ARHGEF28: variants seen among roughly 807,000 people sequenced by gnomAD.
ARHGEF28 encodes the protein Rho guanine nucleotide exchange factor 28, also known as 190 kDa guanine nucleotide exchange factor.
ARHGEF28 carries 152 observed loss-of-function variants against 206.6 expected under a neutral mutation model. That is an observed-to-expected ratio of 0.74 (90% CI 0.64 to 0.84). The LOEUF (loss-of-function observed/expected upper bound fraction) is 0.84, where lower values mean the gene tolerates loss of function less well. ARHGEF28 is among the 40% of genes least tolerant of loss of function. ARHGEF28 has a pLI of 0.00. For missense variants in ARHGEF28, 2,028 were observed against 2,073.2 expected (o/e 0.98, Z 0.42); for synonymous variants, 763 against 776.4 (o/e 0.98, Z 0.29).
In ARHGEF28 at chr5:73,869,344, C is replaced by G. The variant is rs141917531; in HGVS notation, c.2426-725C>G. Among the ~76,000 whole-genome samples the G allele has an allele frequency of 2.5e-3, 384 of 151,906 alleles. 1 individual carries two copies. Among genetic ancestry groups the G allele is most frequent in the Admixed American group, 4.7e-3 (71 of 15,256 alleles). On this transcript the variant is annotated intron_variant, in intron 20 of 35. Transcript: ENST00000513042. ...GCTTTGTGTCTTAGCAAGTCAAGGGCAAATCAAATGGATGAGTACATAATT... is the reference window on the plus strand; with the variant it reads ...GCTTTGTGTCTTAGCAAGTCAAGGGGAAATCAAATGGATGAGTACATAATT...
chr5:73,786,803 G>A (rs1754186385), intron 7 of ARHGEF28, among the ~76,000 whole-genome samples: 1 of 152,194 alleles, frequency 6.6e-6, no homozygotes, highest in African/African-American at 2.4e-5. Context: ...CTAATCATGA[G>A]TGCAAGTTAT....
chr5:73,921,604 G>C (rs1383978760), intron 35 of ARHGEF28, among the ~76,000 whole-genome samples: 1 of 152,158 alleles, frequency 6.6e-6, no homozygotes, highest in Non-Finnish European at 1.5e-5. Flanking sequence ...CAATTTCATA[G>C]TAAGGCTGTT....
At chr5:73,742,483 C>T (rs891449468) in intron 2 of ARHGEF28, among the ~76,000 whole-genome samples, 3 of 151,772 alleles carry the variant, frequency 2.0e-5, no homozygotes, top group Admixed American at 1.3e-4. Context: ...CTTTTGGTGG[C>T]TACTCTCAAG....
intron 14 of ARHGEF28, among the ~76,000 whole-genome samples, chr5:73,854,543 C>A (rs1349515211): frequency 6.6e-6 from 1 of 152,066 alleles, no homozygotes; most frequent in African/African-American, 2.4e-5. Flanking sequence ...TTCTTTCAGC[C>A]CTTTAGGCCC....
At position 73,840,722 on chromosome 5, in the gene ARHGEF28, T is replaced by C. The variant is rs752738493; in HGVS notation, c.1389T>C (p.His463=). Residue 463 remains histidine, a synonymous_variant, in exon 11 of 36, where the codon CAT becomes CAC. Coordinates refer to ENST00000513042, the MANE Select transcript of ARHGEF28 (RefSeq NM_001177693.2). The part of the protein sequence containing the change: ...ASNLNLSFGW[H]GFEKEQSHLK... ...ACTTGAATCTTTCTTTTGGTTGGCA[T>C]GGATTTGAAAAGGAACAAAGTCATC... 1 of 1,611,530 alleles carries C rather than the reference T, an allele frequency of 6.2e-7. No individual in the cohort carries two copies. Among genetic ancestry groups the C allele is most frequent in the East Asian group, 2.2e-5 (1 of 44,830 alleles).
At chr5:73,731,299 G>A (rs542984875) in intron 2 of ARHGEF28, among the ~76,000 whole-genome samples, 1 of 152,272 alleles carries the variant, frequency 6.6e-6, no homozygotes. Context: ...TGTCAGGAAT[G>A]AGATAACTTA....
chr5:73,846,226 C>G (rs537777577), intron 11 of ARHGEF28, 42 bp from the exon 12 acceptor site: 2 of 1,580,004 alleles, frequency 1.3e-6, no homozygotes, highest in Admixed American at 3.4e-5. Context: ...CGCTCTGTGT[C>G]CTTCCTTGCT....
chr5:73,788,202 A>T (rs567399261), intron 7 of ARHGEF28, among the ~76,000 whole-genome samples: 3 of 152,350 alleles, frequency 2.0e-5, no homozygotes, highest in African/African-American at 7.2e-5. Flanking sequence ...GCTAAAGGTT[A>T]GTTTCTTTCT....
At chr5:73,829,605 C>T (rs1757164562) in intron 9 of ARHGEF28, among the ~76,000 whole-genome samples, 1 of 152,070 alleles carries the variant, frequency 6.6e-6, no homozygotes, top group Non-Finnish European at 1.5e-5. Context: ...TGGTCTCGAT[C>T]TCCTGACCTT....
rs376613378 is a variant in ARHGEF28, at chr5:73,846,384, A to G, written c.1544A>G (p.Asp515Gly). ...TCAAGAACTGGGATTCCTAGTGGGG[A>G]TGAATTGGACTCTTTTGAGACTAAC... is the stretch of plus-strand genomic sequence containing the variant. Reference protein sequence around the residue: ...SSSRTGIPSGDELDSFETNTE... With the variant: ...SSSRTGIPSGGELDSFETNTE... The change falls in exon 12 of 36, where the codon GAT (aspartate) becomes GGT (glycine). Residue 515 changes from aspartate (D) to glycine (G), a missense_variant. Asp to Gly is a moderately conservative substitution (Grantham distance 94). Coordinates refer to ENST00000513042, the MANE Select transcript of ARHGEF28 (RefSeq NM_001177693.2). 14 of 1,613,816 alleles carry G rather than the reference A, an allele frequency of 8.7e-6. No individual in the cohort carries two copies. Among genetic ancestry groups the G allele is most frequent in the Non-Finnish European group, 8.5e-7 (1 of 1,179,868 alleles).
chr5:73,658,535 A>G (rs992680031), intron 1 of ARHGEF28, among the ~76,000 whole-genome samples: 4 of 152,230 alleles, frequency 2.6e-5, no homozygotes, highest in African/African-American at 9.6e-5. Context: ...AGAAAGGAAG[A>G]GTTTCAAAGG....
intron 9 of ARHGEF28, among the ~76,000 whole-genome samples, chr5:73,805,961 ATTTG>A (rs532270892): frequency 3.5e-4 from 53 of 151,536 alleles, no homozygotes; most frequent in African/African-American, 1.2e-3. Flanking sequence ...CTCTTTGCTC[ATTTG>A]TTTATTAAAC....
At chr5:73,644,723 G>A (rs1392504325) in intron 1 of ARHGEF28, among the ~76,000 whole-genome samples, 1 of 152,164 alleles carries the variant, frequency 6.6e-6, no homozygotes, top group East Asian at 1.9e-4. Context: ...AACCTGGCTA[G>A]CTTCTGTTGC....
chr5:73,664,204 A>G (rs1561318157), intron 1 of ARHGEF28, among the ~76,000 whole-genome samples: 2 of 152,236 alleles, frequency 1.3e-5, no homozygotes, highest in Non-Finnish European at 2.9e-5. Flanking sequence ...CAAGGGGCCA[A>G]CAACCTGTCA....
intron 2 of ARHGEF28, among the ~76,000 whole-genome samples, chr5:73,738,634 C>T (rs1231605403): frequency 6.6e-6 from 1 of 151,970 alleles, no homozygotes; most frequent in Non-Finnish European, 1.5e-5. Context: ...GCTTTTATAC[C>T]TTTGTACAAA....
In ARHGEF28 at chr5:73,941,677, C is replaced by G. The variant is rs157551; in HGVS notation, c.*664C>G. ...AACAAGGCCCAGAGGCCCAGAGCCC[C>G]CATCAAGTCATTTTGATGTAAATAG... On this transcript the variant is annotated 3_prime_UTR_variant, in exon 36 of 36. Coordinates refer to ENST00000513042, the MANE Select transcript of ARHGEF28 (RefSeq NM_001177693.2). The G allele has an allele frequency of 0.39, 59,731 of 152,064 alleles. 12,005 individuals carry two copies. The highest frequency in any genetic ancestry group is 0.49 in the South Asian group (2,362 of 4,808). The allele number at this position is 152,064 out of a possible 1,614,324, so 9.4% of individuals were successfully genotyped here.
At chr5:73,798,148 A>G (rs1754931842) in intron 9 of ARHGEF28, among the ~76,000 whole-genome samples, 1 of 152,138 alleles carries the variant, frequency 6.6e-6, no homozygotes. Context: ...ATGTTTTGGT[A>G]CAGGCATGCA....
chr5:73,655,017 G>A (rs907441975), intron 1 of ARHGEF28, among the ~76,000 whole-genome samples: 2 of 152,180 alleles, frequency 1.3e-5, no homozygotes, highest in African/African-American at 4.8e-5. Flanking sequence ...ATTGGGCAAG[G>A]AAAACTGTCT....
intron 35 of ARHGEF28, chr5:73,923,181 G>T (rs111373636): frequency 6.5e-7 from 1 of 1,533,046 alleles, no homozygotes; most frequent in East Asian, 2.4e-5. Context: ...CTGCAAGGGG[G>T]GTGCTTAGCC....
Sources: allele counts gnomAD v4.1 joint callset (sites outside exome capture counted in the v4.1 genomes callset), GRCh38; gene constraint gnomAD v4.1.1; transcripts MANE v1.5; gene names NCBI Gene and HGNC (gene_info 2026-07-23, HGNC 2026-07-21).